Variants in DOCK1 observed in about 807,000 individuals in gnomAD.
The protein encoded by DOCK1 is dedicator of cytokinesis protein 1.
Under a neutral mutation model 262.7 loss-of-function variants are expected in DOCK1, and 138 were observed. That is an observed-to-expected ratio of 0.53 (90% CI 0.46 to 0.61). The LOEUF (loss-of-function observed/expected upper bound fraction) is 0.61. DOCK1 is among the 20% of genes least tolerant of loss of function. DOCK1 has a pLI of 0.00. For synonymous variants in DOCK1, 866 were observed against 867.4 expected (o/e 1.00, Z 0.03); for missense variants, 1,908 against 2,370.7 (o/e 0.80, Z 4.05).
intron 23 of DOCK1, among the ~76,000 whole-genome samples, chr10:127,083,831 G>A (rs2047048457): frequency 1.3e-5 from 2 of 152,188 alleles, no homozygotes; most frequent in Admixed American, 1.3e-4. Context: ...GCACAGGAGA[G>A]AAAACAAATT....
At chr10:126,943,184 C>T (rs989256032) in intron 1 of DOCK1, among the ~76,000 whole-genome samples, 3 of 152,038 alleles carry the variant, frequency 2.0e-5, no homozygotes, top group East Asian at 1.9e-4. Flanking sequence ...ACGTGGGAGG[C>T]GGAGACTGCA....
At chr10:127,010,095 G>A (rs1280276133) in intron 11 of DOCK1, among the ~76,000 whole-genome samples, 1 of 149,716 alleles carries the variant, frequency 6.7e-6, no homozygotes, top group South Asian at 2.1e-4. Context: ...AGAGGCAAAG[G>A]TCTCTTTGTG....
intron 23 of DOCK1, among the ~76,000 whole-genome samples, chr10:127,078,466 G>C (rs1171925984): frequency 6.6e-6 from 1 of 152,066 alleles, no homozygotes; most frequent in Non-Finnish European, 1.5e-5. Context: ...TTCTGGGGTT[G>C]GTACCTCCTC....
intron 31 of DOCK1, among the ~76,000 whole-genome samples, chr10:127,347,859 C>CCT (rs2063712007): frequency 1.4e-5 from 1 of 72,324 alleles, no homozygotes. Flanking sequence ...CTTCCCTTCC[C>CCT]TTCCCTTCCC....
chr10:127,399,247 G>A (rs2067086763), intron 38 of DOCK1, among the ~76,000 whole-genome samples: 1 of 152,180 alleles, frequency 6.6e-6, no homozygotes, highest in South Asian at 2.1e-4. Flanking sequence ...TCATAAGCCT[G>A]TAGCACTTCT....
chr10:127,149,020 G>A (rs566168890), intron 27 of DOCK1, among the ~76,000 whole-genome samples: 9 of 152,276 alleles, frequency 5.9e-5, no homozygotes, highest in Admixed American at 1.3e-4. Context: ...ATCCTCTGCC[G>A]AAGAAGTGTT....
rs1295067821 is a variant in DOCK1 at position 127,447,506 on chromosome 10, G to A, written c.5526G>A (p.Leu1842=). The part of the protein sequence containing the change: ...YGNLMENQDL[L]GSPTPPPPPP... The stretch of plus-strand genomic sequence containing the variant: ...ATTTGATGGAAAACCAGGACTTGCT[G>A]GGCTCGCCAACACCTCCACCTCCCC... Residue 1842 remains leucine (L), a synonymous_variant, in exon 51 of 52, where the codon CTG becomes CTA. Coordinates refer to ENST00000623213, the MANE Select transcript of DOCK1 (RefSeq NM_001290223.2). The A allele has an allele frequency of 6.2e-7, 1 of 1,613,872 alleles. No individual in the cohort carries two copies.
At chr10:127,077,301 G>A (rs2046625013) in intron 23 of DOCK1, among the ~76,000 whole-genome samples, 11 of 151,954 alleles carry the variant, frequency 7.2e-5, no homozygotes, top group Admixed American at 7.2e-4. Context: ...AGACCGAGGT[G>A]GGAGAATCAC....
chr10:127,150,830 C>T (rs1052152378), intron 27 of DOCK1, among the ~76,000 whole-genome samples: 2 of 152,198 alleles, frequency 1.3e-5, no homozygotes, highest in African/African-American at 2.4e-5. Flanking sequence ...GATTCTGCCA[C>T]AGGACTTTGC....
rs200225427 is a variant in DOCK1, at chr10:127,190,447, TTA to T, written c.2848-57560_2848-57559del. ...AGCAAAATCACTGGCTAGGTTTGTG[TTA>T]GTAGCCTCATTAAATATTTATTAAG... On this transcript the variant is annotated intron_variant, in intron 27 of 51. Coordinates refer to ENST00000623213, the MANE Select transcript of DOCK1 (RefSeq NM_001290223.2). Among the ~76,000 whole-genome samples the T allele has an allele frequency of 6.2e-3, 942 of 152,282 alleles. 9 individuals carry two copies. The highest frequency in any genetic ancestry group is 0.024 in the Middle Eastern group (7 of 294).
intron 30 of DOCK1, among the ~76,000 whole-genome samples, chr10:127,342,059 TTGTTGTTGCTGCTGCTGTTGCTGTTGC>T (rs1285870709): frequency 5.9e-5 from 9 of 152,092 alleles, no homozygotes; most frequent in Middle Eastern, 3.4e-3. Flanking sequence ...TCGTGTTTTG[TTGTTGTTGCTGCTGCTGTTGCTGTTGC>T]TGTTGTTGTT....
intron 27 of DOCK1, among the ~76,000 whole-genome samples, chr10:127,152,743 T>G (rs2052630342): frequency 6.6e-6 from 1 of 152,224 alleles, no homozygotes; most frequent in East Asian, 1.9e-4. Context: ...AATGGCCCAT[T>G]GGTTCAGAAC....
intron 29 of DOCK1, among the ~76,000 whole-genome samples, chr10:127,270,594 G>A (rs1045153040): frequency 2.0e-5 from 3 of 151,114 alleles, no homozygotes; most frequent in Non-Finnish European, 4.4e-5. Context: ...TGTGTGTGGC[G>A]TGGTCATTAT....
chr10:126,931,776 A>G (rs1460711939), intron 1 of DOCK1, among the ~76,000 whole-genome samples: 1 of 152,152 alleles, frequency 6.6e-6, no homozygotes, highest in Non-Finnish European at 1.5e-5. Flanking sequence ...GTCTTCATCT[A>G]TCGACTGAGG....
chr10:127,268,355 C>A (rs1049004856), intron 29 of DOCK1, among the ~76,000 whole-genome samples: 5 of 151,732 alleles, frequency 3.3e-5, no homozygotes, highest in African/African-American at 1.2e-4. Flanking sequence ...AAAAAATCAG[C>A]CAGGCATGGT....
At chr10:127,076,381 G>T (rs1257130301) in intron 23 of DOCK1, among the ~76,000 whole-genome samples, 3 of 152,122 alleles carry the variant, frequency 2.0e-5, no homozygotes, top group Non-Finnish European at 4.4e-5. Flanking sequence ...GGCGCCTGTA[G>T]TCCCTGCTAA....
intron 1 of DOCK1, among the ~76,000 whole-genome samples, chr10:126,908,144 G>A (rs902085856): frequency 2.2e-4 from 33 of 152,176 alleles, no homozygotes; most frequent in Non-Finnish European, 5.9e-5. Context: ...TGGGAGGGGA[G>A]CTGAGCATGA....
At chr10:127,445,140 T>C (rs1054484859) in intron 50 of DOCK1, among the ~76,000 whole-genome samples, 1 of 152,082 alleles carries the variant, frequency 6.6e-6, no homozygotes, top group African/African-American at 2.4e-5. Flanking sequence ...CAACTTACTC[T>C]AAGTGGCAGA....
chr10:127,024,629 A>G (rs2042697253), intron 14 of DOCK1, 56 bp from the exon 15 acceptor site: 10 of 1,443,224 alleles, frequency 6.9e-6, no homozygotes, highest in South Asian at 2.5e-5. Flanking sequence ...TGGGAGATGT[A>G]TATGGTGTCA....
Sources: gnomAD v4.1 joint callset for allele counts (sites outside exome capture counted in the v4.1 genomes callset) on GRCh38, gnomAD v4.1.1 for gene constraint, MANE v1.5 for transcripts, NCBI Gene and HGNC (gene_info 2026-07-23, HGNC 2026-07-21) for gene names.